The following DDX23 variants were observed in gnomAD, a reference collection of about 807,000 sequenced individuals.
DDX23 encodes the protein DEAD-box helicase 23, also known as probable ATP-dependent RNA helicase DDX23.
A neutral mutation model predicts 102.7 loss-of-function variants in DDX23; 33 were observed. That is an observed-to-expected ratio of 0.32 (90% CI 0.24 to 0.43). DDX23 has a LOEUF of 0.43. DDX23 is among the 20% of genes least tolerant of loss of function. DDX23 has a pLI of 1.00. For synonymous variants in DDX23, 352 were observed against 376.0 expected (o/e 0.94, Z 0.74); for missense variants, 549 against 1,086.6 (o/e 0.51, Z 6.96).
At position 48,837,557 on chromosome 12, in the gene DDX23, C is replaced by T. The variant is rs1484935739; in HGVS notation, c.720G>A (p.Glu240=). The T allele has an allele frequency of 6.2e-7, 1 of 1,614,190 alleles. No homozygotes were observed. Among genetic ancestry groups the T allele is most frequent in the Non-Finnish European group, 8.5e-7 (1 of 1,180,036 alleles). The change falls in exon 7 of 17, where the codon GAG becomes GAA. Residue 240 remains glutamate, a synonymous_variant. Transcript: ENST00000308025. ...DEEGRQKIRE[E]KDKSKELHAI... Reference sequence around the variant, plus strand: ...CATGCAGTTCCTTGCTCTTATCCTTCTCTTCCCGGATCTTCTGCCGCCCTT... The same window carrying T: ...CATGCAGTTCCTTGCTCTTATCCTTTTCTTCCCGGATCTTCTGCCGCCCTT...
rs576008111 is a variant in DDX23, at chr12:48,830,910, T to G, written c.2240-218A>C. Among the ~76,000 whole-genome samples, 2 of 152,326 alleles carry G rather than the reference T, an allele frequency of 1.3e-5. No homozygotes were observed. The highest frequency in any genetic ancestry group is 4.1e-4 in the South Asian group (2 of 4,828). ...TCCCTACCACACTAAGACCCACAGCTGCCTAGCTTCATTCTTCACACTCCT... is the reference window on the plus strand; with the variant it reads ...TCCCTACCACACTAAGACCCACAGCGGCCTAGCTTCATTCTTCACACTCCT... On this transcript the variant is annotated intron_variant, in intron 16 of 16. Transcript: ENST00000308025. This position sits in a 1 kb window ranked among gnomAD's most constrained non-coding sequence, Gnocchi z 4.9.
intron 1 of DDX23, among the ~76,000 whole-genome samples, chr12:48,847,700 A>C (rs1938691608): frequency 6.6e-6 from 1 of 151,786 alleles, no homozygotes; most frequent in Admixed American, 6.6e-5. Context: ...ATGGTGGTAC[A>C]CGCTACCCAG....
In DDX23 at chr12:48,831,444, CAA is replaced by C. The variant is rs199646152; in HGVS notation, c.2065-130_2065-129del. 1,715 of 877,382 alleles carry C rather than the reference CAA, an allele frequency of 2.0e-3. 21 individuals are homozygous for C. The highest frequency in any genetic ancestry group is 0.019 in the African/African-American group (1,160 of 59,508). The allele number at this position is 877,382 out of a possible 1,614,324, so 54.3% of individuals were successfully genotyped here. A position where few individuals can be genotyped will look rare whatever the true frequency, so the allele number is the denominator to read the frequency against. ...GCAGAGTACGAGAAAGGAAAGGAAA[CAA>C]GAGAATGATTGCAGTGAAAGAAGGA... On this transcript the variant is annotated intron_variant, in intron 15 of 16. Coordinates refer to ENST00000308025, the MANE Select transcript of DDX23 (RefSeq NM_004818.3).
intron 3 of DDX23, among the ~76,000 whole-genome samples, chr12:48,842,540 G>T (rs1938581171): frequency 6.8e-6 from 1 of 147,180 alleles, no homozygotes; most frequent in Admixed American, 6.6e-5. Flanking sequence ...CCGTCCGGGA[G>T]GGAGGTGGGG....
In DDX23 at chr12:48,837,659, T is replaced by C. The variant is rs111951299; in HGVS notation, c.620-2A>G. On this transcript the variant is annotated splice_acceptor_variant, in intron 6 of 16. Transcript: ENST00000308025. LOFTEE classifies it high-confidence loss of function. ...GACGTTCCCGTTCCTGAGGATCTTCTGCAGACCAAAGAAAGCAAAGCTGCA... is the reference window on the plus strand; with the variant it reads ...GACGTTCCCGTTCCTGAGGATCTTCCGCAGACCAAAGAAAGCAAAGCTGCA... 6.2e-7 allele frequency: 1 copy of C among 1,614,024 alleles called. No homozygotes were observed. The highest frequency in any genetic ancestry group is 8.5e-7 in the Non-Finnish European group (1 of 1,180,004).
intron 6 of DDX23, 114 bp from the exon 7 acceptor site, chr12:48,837,771 G>T: frequency 6.5e-7 from 1 of 1,539,938 alleles, no homozygotes; most frequent in South Asian, 1.3e-5. Flanking sequence ...GTAGACTTAT[G>T]ATATGGGGTA....
At chr12:48,837,243 G>A (rs375210105) in intron 8 of DDX23, 38 bp downstream of exon 8, 66 of 1,599,310 alleles carry the variant, frequency 4.1e-5, no homozygotes, top group Non-Finnish European at 5.6e-5. Context: ...GGACTGCCTA[G>A]TGGAAAAGAC....
intron 3 of DDX23, among the ~76,000 whole-genome samples, chr12:48,842,802 A>C (rs1472706121): frequency 6.6e-6 from 1 of 152,228 alleles, no homozygotes; most frequent in Non-Finnish European, 1.5e-5. Flanking sequence ...AGGTGTACTC[A>C]ACAGCTCATT....
chr12:48,833,600 G>C (rs1237426880), intron 12 of DDX23, 81 bp from the exon 13 acceptor site: 3 of 1,535,090 alleles, frequency 2.0e-6, no homozygotes, highest in Non-Finnish European at 2.6e-6. Flanking sequence ...CCACTTGGGT[G>C]ACAGACCTCC....
rs1189403155 is a variant in DDX23, at chr12:48,838,089, G to A, written c.481-9C>T. The A allele has an allele frequency of 1.9e-6, 3 of 1,614,118 alleles. No individual in the cohort carries two copies. The highest frequency in any genetic ancestry group is 2.5e-6 in the Non-Finnish European group (3 of 1,180,026). On this transcript the variant is annotated splice_polypyrimidine_tract_variant and intron_variant, in intron 5 of 16. Coordinates refer to ENST00000308025, the MANE Select transcript of DDX23 (RefSeq NM_004818.3). ...TTAGAGAGGAACTTGGGCTACAAAA[G>A]AGATTGGAACTGTCAACAAAGGATC... is the stretch of plus-strand genomic sequence containing the variant.
chr12:48,842,181 G>C (rs965847975), intron 3 of DDX23, among the ~76,000 whole-genome samples: 1 of 117,436 alleles, frequency 8.5e-6, no homozygotes, highest in Non-Finnish European at 1.9e-5. Context: ...GGTGGGGGGG[G>C]TTAGCTCCCC....
chr12:48,833,501 C>CA lies in DDX23; in HGVS notation c.1578dup (p.Gly527TrpfsTer5). 2 of 1,614,096 alleles carry CA rather than the reference C, an allele frequency of 1.2e-6. No homozygotes were observed. The highest frequency in any genetic ancestry group is 1.7e-6 in the Non-Finnish European group (2 of 1,180,028). ...TTCTCCAGCACATCAATCAAACGCC[C>CA]AGGGGTAGCAATCACAATCTGAGGA... On this transcript the variant is annotated frameshift_variant, in exon 13 of 17. Coordinates refer to ENST00000308025, the MANE Select transcript of DDX23 (RefSeq NM_004818.3). LOFTEE classifies it high-confidence loss of function.
rs1411515424 is a variant in DDX23, at chr12:48,832,061, T to TC, written c.2064+16dup. The TC allele has an allele frequency of 6.2e-7, 1 of 1,611,994 alleles. No homozygotes were observed. The highest frequency in any genetic ancestry group is 2.2e-5 in the East Asian group (1 of 44,842). On this transcript the variant is annotated intron_variant, in intron 15 of 16. Transcript: ENST00000308025. The surrounding 1 kb of genome is among the most constrained non-coding windows in gnomAD (Gnocchi z 4.4). ...GTGCCACAGAGGCTAGACTTTGTTC[T>TC]CCCCTGCCAGACACACCCCCATCTT...
intron 1 of DDX23, among the ~76,000 whole-genome samples, chr12:48,847,014 A>G (rs1423143995): frequency 1.3e-5 from 2 of 152,252 alleles, no homozygotes; most frequent in African/African-American, 4.8e-5. Context: ...CAAATGGTTC[A>G]GCTCGAATGG....
chr12:48,839,742 C>A, intron 5 of DDX23, 102 bp downstream of exon 5: 1 of 1,235,180 alleles, frequency 8.1e-7, no homozygotes, highest in Non-Finnish European at 1.2e-6. Flanking sequence ...CTTCCAGCCT[C>A]CAGAACTGTG....
Position 48,830,275 on chromosome 12 carries a change from G to A in DDX23, c.*194C>T, listed in dbSNP as rs991692614. On this transcript the variant is annotated 3_prime_UTR_variant, in exon 17 of 17. Transcript: ENST00000308025. The surrounding 1 kb of genome is among the most constrained non-coding windows in gnomAD (Gnocchi z 4.9). The stretch of plus-strand genomic sequence containing the variant: ...GTGGTAATTTGCTCTCCCTGCCTCC[G>A]ACAGCGTCGTCCTCTCCTTTTGCAG... 15 of 732,718 alleles carry A rather than the reference G, an allele frequency of 2.0e-5. 1 individual carries two copies. Among genetic ancestry groups the A allele is most frequent in the African/African-American group, 5.2e-5 (3 of 57,630 alleles). The allele number at this position is 732,718 out of a possible 1,614,324, so 45.4% of individuals were successfully genotyped here. A position where few individuals can be genotyped will look rare whatever the true frequency, so the allele number is the denominator to read the frequency against.
intron 2 of DDX23, among the ~76,000 whole-genome samples, chr12:48,844,657 G>A (rs1334069025): frequency 3.4e-5 from 5 of 145,994 alleles, no homozygotes; most frequent in African/African-American, 1.0e-4. Flanking sequence ...ATTTTTAGTA[G>A]AGATCAGGTA....
rs748811741 is a variant in DDX23, at chr12:48,843,957, C to T, written c.303G>A (p.Lys101=). ...TCATGTACCTGGATCGTTTACGGTCCTTGTCCCGTCTGTGCCCATCCTTGT... is the reference window on the plus strand; with the variant it reads ...TCATGTACCTGGATCGTTTACGGTCTTTGTCCCGTCTGTGCCCATCCTTGT... ...DRDKDGHRRD[K]DRKRSSLSPG... is the part of the protein sequence containing the mutation. The change falls in exon 3 of 17, where the codon AAG becomes AAA. Residue 101 remains lysine (K), a synonymous_variant. Coordinates refer to ENST00000308025, the MANE Select transcript of DDX23 (RefSeq NM_004818.3). 16 of 1,613,986 alleles carry T rather than the reference C, an allele frequency of 9.9e-6. No individual in the cohort carries two copies. The highest frequency in any genetic ancestry group is 1.4e-5 in the Non-Finnish European group (16 of 1,180,006).
chr12:48,849,380 G>A (rs1938721605), intron 1 of DDX23, among the ~76,000 whole-genome samples: 1 of 152,038 alleles, frequency 6.6e-6, no homozygotes, highest in Non-Finnish European at 1.5e-5. Context: ...AAATCAGCCG[G>A]AGGCCAGGAG....
Sources: gnomAD v4.1 joint callset for allele counts (sites outside exome capture counted in the v4.1 genomes callset) on GRCh38, gnomAD v4.1.1 for gene constraint, Gnocchi (gnomAD v3.1) non-coding constraint, MANE v1.5 for transcripts, NCBI Gene and HGNC (gene_info 2026-07-23, HGNC 2026-07-21) for gene names.